Variants in UBE2E3 observed in about 807,000 individuals in gnomAD.
UBE2E3 encodes ubiquitin-conjugating enzyme E2 E3.
UBE2E3 carries 5 observed loss-of-function variants against 23.6 expected under a neutral mutation model. The observed-to-expected ratio is 0.21, with a 90% CI of 0.11 to 0.44. The LOEUF is 0.44. UBE2E3 is among the 20% of genes least tolerant of loss of function. UBE2E3 has a pLI of 0.99. For missense variants in UBE2E3, 81 were observed against 249.8 expected (o/e 0.32, Z 4.55); for synonymous variants, 78 against 87.5 (o/e 0.89, Z 0.60).
intron 3 of UBE2E3, among the ~76,000 whole-genome samples, chr2:180,996,795 GTTTCT>G (rs1684833458): frequency 6.6e-6 from 1 of 152,074 alleles, no homozygotes; most frequent in Non-Finnish European, 1.5e-5. Flanking sequence ...TAATAGTTGT[GTTTCT>G]TACATAAAAT....
chr2:181,000,764 C>T (rs1383044236), intron 3 of UBE2E3, among the ~76,000 whole-genome samples: 2 of 152,084 alleles, frequency 1.3e-5, no homozygotes, highest in Non-Finnish European at 2.9e-5. Flanking sequence ...CCGTGTTAGC[C>T]AGGATGGTCT....
chr2:180,997,625 T>C (rs1425908609), intron 3 of UBE2E3, among the ~76,000 whole-genome samples: 2 of 152,190 alleles, frequency 1.3e-5, no homozygotes, highest in Non-Finnish European at 2.9e-5. Flanking sequence ...CTAGTGGTTG[T>C]CTATCAAAAG....
At chr2:181,003,464 CA>C (rs112877828) in intron 3 of UBE2E3, among the ~76,000 whole-genome samples, 35,294 of 151,936 alleles carry the variant, frequency 0.23, 4,455 homozygotes, top group Non-Finnish European at 0.28. Flanking sequence ...GAAGAACTTC[CA>C]GGGGGGATGA....
intron 3 of UBE2E3, among the ~76,000 whole-genome samples, chr2:180,989,674 C>G (rs549447254): frequency 2.6e-5 from 4 of 152,142 alleles, no homozygotes; most frequent in Admixed American, 2.6e-4. Flanking sequence ...CACTAAACTT[C>G]ACATTTTTAT....
intron 5 of UBE2E3, among the ~76,000 whole-genome samples, 182 bp downstream of exon 5, chr2:181,060,994 A>G (rs568407236): frequency 6.6e-6 from 1 of 151,284 alleles, no homozygotes; most frequent in Non-Finnish European, 1.5e-5. Context: ...GACTAGGCCA[A>G]AAGTTTCTCA....
At chr2:181,036,417 G>A (rs1686283488) in intron 3 of UBE2E3, among the ~76,000 whole-genome samples, 1 of 152,204 alleles carries the variant, frequency 6.6e-6, no homozygotes, top group Non-Finnish European at 1.5e-5. Context: ...TACTTACAAC[G>A]TTCATGAGGA....
In UBE2E3 at chr2:180,982,136, C is replaced by T. The variant is rs1559109209; in HGVS notation, c.94C>T (p.Pro32Ser). ...ADQRDPAAPE[P>S]EEQEERKPSA... The stretch of plus-strand genomic sequence containing the variant: ...CCAGCGAGACCCAGCCGCTCCAGAG[C>T]CTGAAGAACAAGAGGAAAGAAAACC... The change falls in exon 2 of 6, where the codon CCT (proline) becomes TCT (serine). Residue 32 changes from proline to serine, a missense_variant. Transcript: ENST00000410062. 1 of 1,613,160 alleles carries T rather than the reference C, an allele frequency of 6.2e-7. No individual in the cohort carries two copies. Among genetic ancestry groups the T allele is most frequent in the Non-Finnish European group, 8.5e-7 (1 of 1,179,594 alleles).
intron 3 of UBE2E3, among the ~76,000 whole-genome samples, chr2:181,018,496 T>G (rs1186093812): frequency 6.6e-6 from 1 of 152,086 alleles, no homozygotes; most frequent in Admixed American, 6.6e-5. Context: ...GCAGTTAATC[T>G]ATTCTTGATG....
intron 3 of UBE2E3, among the ~76,000 whole-genome samples, chr2:180,987,614 C>T (rs1684520220): frequency 6.6e-6 from 1 of 151,900 alleles, no homozygotes; most frequent in South Asian, 2.1e-4. Flanking sequence ...CTAGCAAAAC[C>T]TGAGATCAGG....
chr2:181,029,690 TCTTA>T (rs1686013370), intron 3 of UBE2E3, among the ~76,000 whole-genome samples: 1 of 150,340 alleles, frequency 6.7e-6, no homozygotes. Context: ...AAGTTCTGTT[TCTTA>T]CTTTACTGTC....
At chr2:181,010,794 T>G (rs951286153) in intron 3 of UBE2E3, among the ~76,000 whole-genome samples, 1 of 152,004 alleles carries the variant, frequency 6.6e-6, no homozygotes, top group African/African-American at 2.4e-5. Context: ...ATTTACCTCC[T>G]GTTGTCATAT....
chr2:181,003,054 T>C (rs1409091193), intron 3 of UBE2E3, among the ~76,000 whole-genome samples: 1 of 152,248 alleles, frequency 6.6e-6, no homozygotes, highest in Non-Finnish European at 1.5e-5. Context: ...ACATGTGTGC[T>C]TTTTGTTTTG....
intron 3 of UBE2E3, among the ~76,000 whole-genome samples, chr2:181,035,116 A>T (rs997906668): frequency 1.3e-5 from 2 of 152,172 alleles, no homozygotes; most frequent in African/African-American, 4.8e-5. Flanking sequence ...TTCATATTTT[A>T]AAATTAATGT....
At chr2:180,991,213 C>A (rs7578348) in intron 3 of UBE2E3, among the ~76,000 whole-genome samples, 35,148 of 151,502 alleles carry the variant, frequency 0.23, 4,434 homozygotes, top group Non-Finnish European at 0.28. Context: ...TTATGGCCCT[C>A]TATAATAGTT....
rs565638479 is a variant in UBE2E3, at chr2:181,055,110, TG to T, written c.246-2582del. Among the ~76,000 whole-genome samples, 853 of 151,674 alleles carry T rather than the reference TG, an allele frequency of 5.6e-3. 3 individuals are homozygous for T. The highest frequency in any genetic ancestry group is 9.7e-3 in the Non-Finnish European group (659 of 67,786). ...GTTTCAGTGGAGTAATGGGAGGAAA[TG>T]CCTGTTGGGAATGAGTTCAAGTAAC... is the stretch of plus-strand genomic sequence containing the variant. On this transcript the variant is annotated intron_variant, in intron 3 of 5. Transcript: ENST00000410062.
At chr2:181,007,500 GTTTT>G (rs3060035) in intron 3 of UBE2E3, among the ~76,000 whole-genome samples, 34,996 of 145,994 alleles carry the variant, frequency 0.24, 4,378 homozygotes, top group Non-Finnish European at 0.29. Flanking sequence ...AAGTATAATT[GTTTT>G]TTTTTTTTTT....
chr2:180,990,549 C>A (rs765908336), intron 3 of UBE2E3, among the ~76,000 whole-genome samples: 2 of 152,142 alleles, frequency 1.3e-5, no homozygotes, highest in Non-Finnish European at 2.9e-5. Flanking sequence ...ATTTGTCATA[C>A]GTGTGTGTTA....
chr2:181,006,815 T>A (rs979981905), intron 3 of UBE2E3, among the ~76,000 whole-genome samples: 1 of 152,184 alleles, frequency 6.6e-6, no homozygotes, highest in African/African-American at 2.4e-5. Flanking sequence ...ACCCTTTGGA[T>A]CCTCTGATAC....
chr2:181,015,835 C>A (rs1401128), intron 3 of UBE2E3, among the ~76,000 whole-genome samples: 34,798 of 151,198 alleles, frequency 0.23, 4,375 homozygotes, highest in Non-Finnish European at 0.28. Context: ...AGAGATGATA[C>A]CCACAAAACT....
Sources: allele counts gnomAD v4.1 joint callset (sites outside exome capture counted in the v4.1 genomes callset), GRCh38; gene constraint gnomAD v4.1.1; transcripts MANE v1.5; gene names NCBI Gene and HGNC (gene_info 2026-07-23, HGNC 2026-07-21).